COL5A2: variants seen among roughly 807,000 people sequenced by gnomAD.
The protein encoded by COL5A2 is collagen type V alpha 2 chain, also known as collagen alpha-2(V) chain.
A neutral mutation model predicts 208.2 loss-of-function variants in COL5A2; 23 were observed. The ratio of observed to expected loss-of-function variants is 0.11; its 90% confidence interval spans 0.08 to 0.16. The LOEUF is 0.16. COL5A2 is among the 10% of genes least tolerant of loss of function. The pLI is 1.00. For missense variants in COL5A2, 1,590 were observed against 1,956.4 expected, an observed-to-expected ratio of 0.81 and a Z score of 3.53; for synonymous variants, 625 against 628.5, an observed-to-expected ratio of 0.99 and a Z score of 0.08.
chr2:189,413,001 A>G, the COL5A2 span, among the ~76,000 whole-genome samples: 1 of 152,240 alleles, frequency 6.6e-6, no homozygotes, highest in Non-Finnish European at 1.5e-5. Context: ...TTAGATAGAT[A>G]GTATGAAAGC....
chr2:189,330,804 C>T, the COL5A2 span, among the ~76,000 whole-genome samples: 2 of 152,206 alleles, frequency 1.3e-5, no homozygotes, highest in African/African-American at 4.8e-5. Context: ...CTCATCCTTA[C>T]AACTTGTTAG....
At chr2:189,236,595 A>G in the COL5A2 span, among the ~76,000 whole-genome samples, 5 of 151,714 alleles carry the variant, frequency 3.3e-5, no homozygotes, top group African/African-American at 1.2e-4. Flanking sequence ...TTTAATTTGC[A>G]ATTTACTTGA....
At chr2:189,350,300 A>T in the COL5A2 span, among the ~76,000 whole-genome samples, 4 of 152,190 alleles carry the variant, frequency 2.6e-5, no homozygotes, top group Non-Finnish European at 1.5e-5. Context: ...AACAAAATGA[A>T]GGTCAATCTG....
the COL5A2 span, among the ~76,000 whole-genome samples, chr2:189,251,191 A>G: frequency 1.3e-5 from 2 of 152,192 alleles, no homozygotes; most frequent in Non-Finnish European, 2.9e-5. Context: ...TTATAATAAT[A>G]AAGTTAGAAA....
chr2:189,294,342 T>A, the COL5A2 span, among the ~76,000 whole-genome samples: 2 of 152,216 alleles, frequency 1.3e-5, no homozygotes, highest in Non-Finnish European at 2.9e-5. Context: ...ATAGCCTGTG[T>A]CAGCTGGCCC....
Position 189,048,993 on chromosome 2 carries a change from CA to C in COL5A2, c.3147+353del, listed in dbSNP as rs1228982899. Reference sequence around the variant, plus strand: ...GGAATAGCTATATTAATCCTATCACCAAAAAACTTGGCAATTTTGATAAATA... The same window carrying C: ...GGAATAGCTATATTAATCCTATCACCAAAAACTTGGCAATTTTGATAAATA... On this transcript the variant is annotated intron_variant, in intron 44 of 53. Transcript: ENST00000374866. Among the ~76,000 whole-genome samples, 5 of 151,930 alleles carry C rather than the reference CA, an allele frequency of 3.3e-5. No individual in the cohort carries two copies. The East Asian group carries it at 9.7e-4, about 29-fold the overall frequency.
chr2:189,256,069 G>A, the COL5A2 span, among the ~76,000 whole-genome samples: 2 of 152,100 alleles, frequency 1.3e-5, no homozygotes, highest in African/African-American at 4.8e-5. Flanking sequence ...TCTCTATCTC[G>A]TGCCTGTTAT....
At chr2:189,348,293 T>C in the COL5A2 span, among the ~76,000 whole-genome samples, 11 of 152,274 alleles carry the variant, frequency 7.2e-5, no homozygotes, top group African/African-American at 2.4e-4. Context: ...GTGTGGCTCA[T>C]TTATATGAAC....
chr2:189,374,308 C>CT, the COL5A2 span, among the ~76,000 whole-genome samples: 5,622 of 144,554 alleles, frequency 0.039, 113 homozygotes, highest in Admixed American at 0.054. Flanking sequence ...GTTAGATATC[C>CT]TTTTTTTTTT....
chr2:189,268,217 A>G, the COL5A2 span, among the ~76,000 whole-genome samples: 1 of 152,126 alleles, frequency 6.6e-6, no homozygotes, highest in Non-Finnish European at 1.5e-5. Flanking sequence ...ACAACCATCA[A>G]ACTAAGAGTT....
intron 1 of COL5A2, among the ~76,000 whole-genome samples, chr2:189,116,564 C>G (rs1310898941): frequency 1.3e-5 from 2 of 152,158 alleles, no homozygotes; most frequent in African/African-American, 4.8e-5. Flanking sequence ...TTTTCTATCT[C>G]AGCCTCAAGA....
chr2:189,072,019 A>G, intron 18 of COL5A2, 21 bp downstream of exon 18: 1 of 1,504,948 alleles, frequency 6.6e-7, no homozygotes, highest in Non-Finnish European at 9.2e-7. Context: ...TAAATACTGT[A>G]TATTAACATT....
intron 6 of COL5A2, among the ~76,000 whole-genome samples, chr2:189,096,379 T>C (rs1472453128): frequency 6.6e-6 from 1 of 151,880 alleles, no homozygotes; most frequent in African/African-American, 2.4e-5. Context: ...TTAGAAGTGA[T>C]ACATAAGAAA....
the COL5A2 span, among the ~76,000 whole-genome samples, chr2:189,310,973 C>CA: frequency 1.3e-4 from 19 of 150,672 alleles, no homozygotes; most frequent in South Asian, 4.2e-4. Flanking sequence ...TTAATGAGTA[C>CA]AAAAAAAAAT....
chr2:189,421,734 C>T, the COL5A2 span, among the ~76,000 whole-genome samples: 1 of 152,198 alleles, frequency 6.6e-6, no homozygotes, highest in Admixed American at 6.5e-5. Flanking sequence ...TCTGCATCAC[C>T]ACTGACCATC....
chr2:189,417,080 G>A, the COL5A2 span, among the ~76,000 whole-genome samples: 1 of 152,070 alleles, frequency 6.6e-6, no homozygotes, highest in African/African-American at 2.4e-5. Flanking sequence ...AGGATTACCA[G>A]CCTTGGTGAA....
chr2:189,130,533 T>G (rs1358267126), intron 1 of COL5A2, among the ~76,000 whole-genome samples: 1 of 151,986 alleles, frequency 6.6e-6, no homozygotes, highest in East Asian at 1.9e-4. Flanking sequence ...GCTGTACCCC[T>G]TACACCTAGC....
chr2:189,116,206 C>G (rs942952211), intron 1 of COL5A2, among the ~76,000 whole-genome samples: 1 of 152,164 alleles, frequency 6.6e-6, no homozygotes, highest in Non-Finnish European at 1.5e-5. Context: ...AGAGAGAATG[C>G]CTTGTGGGAC....
intron 26 of COL5A2, among the ~76,000 whole-genome samples, chr2:189,063,518 T>A (rs1373694209): frequency 6.6e-6 from 1 of 152,204 alleles, no homozygotes; most frequent in Non-Finnish European, 1.5e-5. Context: ...ACAGTCATAT[T>A]AATAGGGGAA....
Sources: gnomAD v4.1 joint callset for allele counts (sites outside exome capture counted in the v4.1 genomes callset) on GRCh38, gnomAD v4.1.1 for gene constraint, MANE v1.5 for transcripts, NCBI Gene and HGNC (gene_info 2026-07-23, HGNC 2026-07-21) for gene names.